Variants in CTTNBP2 observed in about 807,000 individuals in gnomAD.
CTTNBP2 encodes the protein cortactin binding protein 2.
CTTNBP2 carries 108 observed loss-of-function variants against 156.9 expected under a neutral mutation model. The ratio of observed to expected loss-of-function variants is 0.69; its 90% CI spans 0.59 to 0.81. The LOEUF (loss-of-function observed/expected upper bound fraction) is 0.81, where lower values mean the gene tolerates loss of function less well. Ranked by LOEUF, CTTNBP2 falls within the 30% of genes least tolerant of loss-of-function variation. The pLI is 0.00. For synonymous variants in CTTNBP2, 767 were observed against 751.8 expected (o/e 1.02, Z -0.33); for missense variants, 1,924 against 2,035.4 (o/e 0.95, Z 1.05).
At chr7:117,765,994 C>T (rs1797464543) in intron 9 of CTTNBP2, among the ~76,000 whole-genome samples, 3 of 152,192 alleles carry the variant, frequency 2.0e-5, no homozygotes, top group Admixed American at 2.0e-4. Context: ...TCATATTTTT[C>T]ACATCTAAGA....
At chr7:117,812,764 G>A (rs549584025) in intron 2 of CTTNBP2, among the ~76,000 whole-genome samples, 1 of 152,274 alleles carries the variant, frequency 6.6e-6, no homozygotes, top group South Asian at 2.1e-4. Flanking sequence ...TATTTATTCA[G>A]TGTAGCAGTT....
chr7:117,864,900 C>T (rs1804056688), intron 1 of CTTNBP2, among the ~76,000 whole-genome samples: 1 of 138,508 alleles, frequency 7.2e-6, no homozygotes, highest in African/African-American at 2.6e-5. Flanking sequence ...AATATATATT[C>T]ATATATATTC....
intron 8 of CTTNBP2, among the ~76,000 whole-genome samples, chr7:117,776,739 T>C (rs745774832): frequency 1.3e-5 from 2 of 152,250 alleles, no homozygotes; most frequent in African/African-American, 4.8e-5. Context: ...TTTCCCGTAA[T>C]TGCTGCATTT....
rs974899195 is a variant in CTTNBP2 at position 117,728,157 on chromosome 7, T to G, written c.3987A>C (p.Glu1329Asp). 5.6e-6 allele frequency: 9 copies of G among 1,614,054 alleles called. No individual in the cohort carries two copies. Among genetic ancestry groups the G allele is most frequent in the African/African-American group, 2.7e-5 (2 of 74,922 alleles). ...NSCLARLGTP[E>D]ALLGPKYFLS... ...GGAAATATTTTGGTCCAAGAAGTGCTTCAGGTGTGCCCAAGCGGGCCAGGC... is the reference window on the plus strand; with the variant it reads ...GGAAATATTTTGGTCCAAGAAGTGCGTCAGGTGTGCCCAAGCGGGCCAGGC... The change falls in exon 17 of 23, where the codon GAA (glutamate) becomes GAC (aspartate). Residue 1329 changes from glutamate (E) to aspartate (D), a missense_variant. By Grantham distance (45) the Glu-to-Asp change is conservative. Coordinates refer to ENST00000160373, the MANE Select transcript of CTTNBP2 (RefSeq NM_033427.3).
intron 2 of CTTNBP2, among the ~76,000 whole-genome samples, chr7:117,843,257 A>C (rs1802381901): frequency 6.6e-6 from 1 of 152,210 alleles, no homozygotes; most frequent in African/African-American, 2.4e-5. Context: ...TGTGGATTTC[A>C]GTGTTCTAGG....
chr7:117,833,423 A>C (rs1316297277), intron 2 of CTTNBP2, among the ~76,000 whole-genome samples: 1 of 152,190 alleles, frequency 6.6e-6, no homozygotes, highest in Non-Finnish European at 1.5e-5. Context: ...ATCTGATTAA[A>C]ACAAATCCTG....
intron 3 of CTTNBP2, among the ~76,000 whole-genome samples, chr7:117,808,210 T>TG (rs1389280610): frequency 6.6e-6 from 1 of 152,168 alleles, no homozygotes; most frequent in African/African-American, 2.4e-5. Context: ...AAGAAAATGT[T>TG]TGAAAATATA....
At chr7:117,824,123 T>C (rs949540037) in intron 2 of CTTNBP2, among the ~76,000 whole-genome samples, 1 of 151,878 alleles carries the variant, frequency 6.6e-6, no homozygotes, top group Non-Finnish European at 1.5e-5. Flanking sequence ...AATTCAAGAG[T>C]ATGCAAGAGC....
chr7:117,744,166 C>T (rs1796185640), intron 14 of CTTNBP2, among the ~76,000 whole-genome samples: 1 of 152,156 alleles, frequency 6.6e-6, no homozygotes, highest in Non-Finnish European at 1.5e-5. Context: ...GTGTTACAAA[C>T]AATCCAATTA....
chr7:117,720,971 GTCAT>G, intron 20 of CTTNBP2, 92 bp downstream of exon 20: 1 of 824,462 alleles, frequency 1.2e-6, no homozygotes, highest in Non-Finnish European at 2.1e-6. Context: ...TAACATAATA[GTCAT>G]TCAAATGAGA....
intron 17 of CTTNBP2, 121 bp downstream of exon 17, chr7:117,727,968 G>A (rs1182316661): frequency 5.9e-6 from 5 of 841,728 alleles, no homozygotes; most frequent in Non-Finnish European, 9.5e-6. Context: ...AGAGAGCACT[G>A]GCACTCCGTG....
At chr7:117,768,581 A>AAAAAAAAAGAAAG (rs1554419704) in intron 8 of CTTNBP2, among the ~76,000 whole-genome samples, 30 of 99,106 alleles carry the variant, frequency 3.0e-4, no homozygotes, top group East Asian at 5.0e-4. Context: ...AAAAAAAAAA[A>AAAAAAAAAGAAAG]AAAGAAAGAA....
At chr7:117,787,543 T>TA (rs1330470155) in intron 4 of CTTNBP2, among the ~76,000 whole-genome samples, 3 of 151,944 alleles carry the variant, frequency 2.0e-5, no homozygotes, top group African/African-American at 7.2e-5. Context: ...ATGTATCAAA[T>TA]AAAAAAAGAA....
rs1797159174 is a variant in CTTNBP2 at position 117,760,655 on chromosome 7, A to G, written c.2952T>C (p.Tyr984=). 2 of 1,613,566 alleles carry G rather than the reference A, an allele frequency of 1.2e-6. No individual in the cohort carries two copies. Among genetic ancestry groups the G allele is most frequent in the Admixed American group, 1.7e-5 (1 of 60,008 alleles). ...TTTCACATTCCAAGTCATCAGAACC[A>G]TAGTTGCTTGGTTCAATCTCACCCA... is the stretch of plus-strand genomic sequence containing the variant. ...ISVGEIEPSN[Y]GSDDLECENT... Residue 984 remains tyrosine, a synonymous_variant, in exon 10 of 23, where the codon TAT becomes TAC. Coordinates refer to ENST00000160373, the MANE Select transcript of CTTNBP2 (RefSeq NM_033427.3).
chr7:117,799,620 A>G (rs534080258), intron 3 of CTTNBP2, among the ~76,000 whole-genome samples: 2 of 152,126 alleles, frequency 1.3e-5, no homozygotes, highest in Non-Finnish European at 2.9e-5. Context: ...ACTTCTGTTC[A>G]ACATTGCACT....
At chr7:117,757,528 TAAAAA>T (rs56687697) in intron 11 of CTTNBP2, among the ~76,000 whole-genome samples, 4 of 91,440 alleles carry the variant, frequency 4.4e-5, no homozygotes, top group Admixed American at 1.3e-4. Flanking sequence ...TTAAGCACAG[TAAAAA>T]AAAAAAAAAA....
At chr7:117,868,766 C>T (rs1804383230) in intron 1 of CTTNBP2, among the ~76,000 whole-genome samples, 1 of 152,116 alleles carries the variant, frequency 6.6e-6, no homozygotes, top group South Asian at 2.1e-4. Flanking sequence ...ATAAAGTATC[C>T]TTCTAAAGCA....
intron 11 of CTTNBP2, 35 bp from the exon 12 acceptor site, chr7:117,756,669 T>G (rs1441380046): frequency 7.6e-7 from 1 of 1,317,786 alleles, no homozygotes; most frequent in African/African-American, 1.4e-5. Flanking sequence ...AAATGGGTGT[T>G]CCCTTGTTAA....
At chr7:117,742,238 G>A (rs1422290444) in intron 14 of CTTNBP2, among the ~76,000 whole-genome samples, 1 of 152,236 alleles carries the variant, frequency 6.6e-6, no homozygotes, top group Non-Finnish European at 1.5e-5. Flanking sequence ...CACCGGCCAT[G>A]TGGTAGCCAT....
Sources: allele counts gnomAD v4.1 joint callset (sites outside exome capture counted in the v4.1 genomes callset), GRCh38; gene constraint gnomAD v4.1.1; transcripts MANE v1.5; gene names NCBI Gene and HGNC (gene_info 2026-07-23, HGNC 2026-07-21).